BMP5: variants seen among roughly 807,000 people sequenced by gnomAD.
BMP5 encodes the protein bone morphogenetic protein 5.
BMP5 carries 23 observed loss-of-function variants against 46.6 expected under a neutral mutation model. That is an observed-to-expected ratio of 0.49 (90% confidence interval 0.35 to 0.70). The LOEUF (loss-of-function observed/expected upper bound fraction) is 0.70, where lower values mean the gene tolerates loss of function less well. Among genes scored for constraint, BMP5 ranks in the 30% least tolerant of loss-of-function variants. The pLI is 0.00. For synonymous variants in BMP5, 204 were observed against 191.9 expected, an observed-to-expected ratio of 1.06 and a Z score of -0.52; for missense variants, 545 against 565.6, an observed-to-expected ratio of 0.96 and a Z score of 0.37.
At chr6:55,767,508 G>A (rs1031710846) in intron 4 of BMP5, among the ~76,000 whole-genome samples, 2 of 151,878 alleles carry the variant, frequency 1.3e-5, no homozygotes, top group African/African-American at 2.4e-5. Flanking sequence ...TATATCTTGT[G>A]CAAGATTATA....
chr6:55,816,393 TTAAC>T (rs1312023999), intron 2 of BMP5, among the ~76,000 whole-genome samples: 45 of 152,228 alleles, frequency 3.0e-4, no homozygotes, highest in African/African-American at 1.1e-3. Flanking sequence ...GGCAATATTA[TTAAC>T]TAACATTCAG....
chr6:55,767,331 C>A (rs1293229361), intron 4 of BMP5, among the ~76,000 whole-genome samples: 1 of 151,910 alleles, frequency 6.6e-6, no homozygotes, highest in Admixed American at 6.6e-5. Flanking sequence ...TCTATAAAAC[C>A]AATTATAATG....
chr6:55,824,046 T>G (rs1776472536), intron 1 of BMP5, among the ~76,000 whole-genome samples: 1 of 151,956 alleles, frequency 6.6e-6, no homozygotes, highest in African/African-American at 2.4e-5. Flanking sequence ...CCCAACCTTT[T>G]ATTTACCAGA....
Position 55,759,162 on chromosome 6 carries a change from AAAAAAAAAAAAAAAAAAAAAAC to A in BMP5, c.1105-69_1105-48del, listed in dbSNP as rs1443072648. The A allele has an allele frequency of 3.2e-5, 26 of 823,480 alleles. No individual in the cohort carries two copies. In the African/African-American group the frequency reaches 3.2e-4, roughly 10 times the overall value. 51.0% of individuals were successfully genotyped at this position (823,480 alleles called of 1,614,324 possible). On this transcript the variant is annotated intron_variant, in intron 5 of 6. Coordinates refer to ENST00000370830, the MANE Select transcript of BMP5 (RefSeq NM_021073.4). Reference sequence around the variant, plus strand: ...ACACACACAAAAAAAAAAAAAAAAAAAAAAAAAAAAAAAAAAAAAAACAACAAGAAAAAATATCACCAAAGTA... The same window carrying A: ...ACACACACAAAAAAAAAAAAAAAAAAAACAAGAAAAAATATCACCAAAGTA...
At chr6:55,859,436 T>C (rs1777479285) in intron 1 of BMP5, among the ~76,000 whole-genome samples, 1 of 152,196 alleles carries the variant, frequency 6.6e-6, no homozygotes, top group Non-Finnish European at 1.5e-5. Context: ...ATACTGTTTA[T>C]GCAAATATGA....
chr6:55,773,964 A>C, intron 4 of BMP5, 85 bp downstream of exon 4: 1 of 1,423,152 alleles, frequency 7.0e-7, no homozygotes, highest in Non-Finnish European at 9.9e-7. Flanking sequence ...GTATACATAG[A>C]GGGTAAATTT....
At chr6:55,789,238 C>A (rs1394006716) in intron 3 of BMP5, among the ~76,000 whole-genome samples, 1 of 151,880 alleles carries the variant, frequency 6.6e-6, no homozygotes, top group Non-Finnish European at 1.5e-5. Flanking sequence ...AAGTCACTGG[C>A]AAAATTCATT....
chr6:55,805,813 T>C (rs530018071), intron 2 of BMP5, among the ~76,000 whole-genome samples: 7 of 152,348 alleles, frequency 4.6e-5, no homozygotes, highest in African/African-American at 1.7e-4. Flanking sequence ...ATTTCTCTAA[T>C]GATTAGTGAT....
chr6:55,838,216 A>G (rs1776868627), intron 1 of BMP5, among the ~76,000 whole-genome samples: 1 of 152,180 alleles, frequency 6.6e-6, no homozygotes, highest in Non-Finnish European at 1.5e-5. Flanking sequence ...AGGAACCTCC[A>G]AACTGTTCTC....
chr6:55,771,449 G>T (rs1313208261), intron 4 of BMP5, among the ~76,000 whole-genome samples: 3 of 151,774 alleles, frequency 2.0e-5, no homozygotes, highest in African/African-American at 7.3e-5. Flanking sequence ...GGCAGTTTCT[G>T]CAGGAAACCT....
intron 3 of BMP5, among the ~76,000 whole-genome samples, chr6:55,782,523 T>C (rs554569777): frequency 6.6e-6 from 1 of 152,286 alleles, no homozygotes; most frequent in East Asian, 1.9e-4. Context: ...ACCATTTGCA[T>C]GCAAAATAAT....
intron 1 of BMP5, among the ~76,000 whole-genome samples, chr6:55,820,725 T>A (rs1270453801): frequency 2.6e-5 from 3 of 114,314 alleles, no homozygotes; most frequent in Non-Finnish European, 5.4e-5. Flanking sequence ...GTGTTGTTTG[T>A]TTGTTTGTTT....
At chr6:55,835,662 T>C (rs1776777040) in intron 1 of BMP5, among the ~76,000 whole-genome samples, 3 of 152,202 alleles carry the variant, frequency 2.0e-5, no homozygotes, top group Non-Finnish European at 4.4e-5. Flanking sequence ...TCCTTCTCCC[T>C]CTGTCTGAGG....
Position 55,828,233 on chromosome 6 carries a change from C to T in BMP5, c.491-8386G>A, listed in dbSNP as rs16887214. Among the ~76,000 whole-genome samples, 352 of 151,884 alleles carry T rather than the reference C, an allele frequency of 2.3e-3. 1 individual carries two copies. The highest frequency in any genetic ancestry group is 8.2e-3 in the African/African-American group (340 of 41,512). On this transcript the variant is annotated intron_variant, in intron 1 of 6. Coordinates refer to ENST00000370830, the MANE Select transcript of BMP5 (RefSeq NM_021073.4). ...ACAGGTCAAAGGTTTTGTGAGTTTT[C>T]TTCTGAAATTGCTCAGTGCCTTCTC...
intron 1 of BMP5, among the ~76,000 whole-genome samples, chr6:55,840,724 T>C (rs576988398): frequency 6.6e-6 from 1 of 152,344 alleles, no homozygotes; most frequent in East Asian, 1.9e-4. Context: ...AAATGAGAAA[T>C]GAGCCATCAT....
chr6:55,803,083 C>T lies in BMP5; in HGVS notation c.684-8656G>A, dbSNP rs374146068. Among the ~76,000 whole-genome samples the T allele has an allele frequency of 6.2e-4, 91 of 145,758 alleles. No individual in the cohort carries two copies. In the South Asian group the frequency reaches 0.015, roughly 25 times the overall value. On this transcript the variant is annotated intron_variant, in intron 2 of 6. Coordinates refer to ENST00000370830, the MANE Select transcript of BMP5 (RefSeq NM_021073.4). Reference sequence around the variant, plus strand: ...AGCAGATTACCCGAGGTCAGGAGTTCGAGACCAGCCTGGCTAACATGGCAA... The same window carrying T: ...AGCAGATTACCCGAGGTCAGGAGTTTGAGACCAGCCTGGCTAACATGGCAA...
chr6:55,832,949 A>T (rs1310393760), intron 1 of BMP5, among the ~76,000 whole-genome samples: 1 of 151,814 alleles, frequency 6.6e-6, no homozygotes, highest in African/African-American at 2.4e-5. Flanking sequence ...TGTCTCTACA[A>T]AAATTTAAAA....
At chr6:55,865,326 CCCT>C in intron 1 of BMP5, 1 of 428,574 alleles carries the variant, frequency 2.3e-6, no homozygotes. Context: ...AATTAGTTTC[CCCT>C]CCTTAACAAG....
chr6:55,870,826 T>G (rs1232917128), intron 1 of BMP5, among the ~76,000 whole-genome samples: 2 of 152,104 alleles, frequency 1.3e-5, no homozygotes, highest in African/African-American at 4.8e-5. Context: ...ACTAAATATG[T>G]TTTTATATTT....
Sources: gnomAD v4.1 joint callset for allele counts (sites outside exome capture counted in the v4.1 genomes callset) on GRCh38, gnomAD v4.1.1 for gene constraint, MANE v1.5 for transcripts, NCBI Gene and HGNC (gene_info 2026-07-23, HGNC 2026-07-21) for gene names.